The following BTBD9 variants were observed in gnomAD, a reference collection of about 807,000 sequenced individuals.
The protein encoded by BTBD9 is BTB domain containing 9, also known as BTB/POZ domain-containing protein 9.
A neutral mutation model predicts 64.3 loss-of-function variants in BTBD9; 49 were observed. The ratio of observed to expected loss-of-function variants is 0.76; its 90% CI spans 0.61 to 0.97. The LOEUF is 0.97. BTBD9 is among the 50% of genes least tolerant of loss of function. The pLI, the probability that BTBD9 is intolerant of heterozygous loss-of-function variation, is 0.00. For missense variants in BTBD9, 598 were observed against 762.1 expected, an observed-to-expected ratio of 0.78 and a Z score of 2.53; for synonymous variants, 260 against 274.7, an observed-to-expected ratio of 0.95 and a Z score of 0.53.
At chr6:38,202,077 TTTTTTTTG>T (rs1762481126) in intron 9 of BTBD9, among the ~76,000 whole-genome samples, 1 of 137,726 alleles carries the variant, frequency 7.3e-6, no homozygotes, top group African/African-American at 2.8e-5. Flanking sequence ...AAAAATGTCG[TTTTTTTTG>T]TTTTTTTTTT....
intron 6 of BTBD9, among the ~76,000 whole-genome samples, chr6:38,419,038 C>T (rs958837416): frequency 4.6e-5 from 7 of 152,134 alleles, no homozygotes; most frequent in Non-Finnish European, 4.4e-5. Context: ...GATCACTAAA[C>T]CCATTCTTAC....
intron 6 of BTBD9, among the ~76,000 whole-genome samples, chr6:38,533,874 G>C (rs1384375038): frequency 2.6e-5 from 4 of 151,978 alleles, no homozygotes. Context: ...AAACCTATGG[G>C]ATTCAATGAA....
At chr6:38,483,459 T>C (rs1456361327) in intron 6 of BTBD9, among the ~76,000 whole-genome samples, 1 of 152,058 alleles carries the variant, frequency 6.6e-6, no homozygotes. Context: ...TGGTCTTCCC[T>C]ATAGTCCATT....
intron 6 of BTBD9, among the ~76,000 whole-genome samples, chr6:38,442,828 C>T (rs1179343424): frequency 6.6e-6 from 1 of 151,890 alleles, no homozygotes; most frequent in Non-Finnish European, 1.5e-5. Context: ...TGCCACCATA[C>T]CCAGCTAAAT....
At chr6:38,571,568 T>A (rs1246840447) in intron 6 of BTBD9, 2 of 152,200 alleles carry the variant, frequency 1.3e-5, no homozygotes, top group African/African-American at 4.8e-5. Flanking sequence ...ACAGTAAAGT[T>A]AGAGTATTCC....
At chr6:38,408,152 T>C (rs1206027178) in intron 6 of BTBD9, among the ~76,000 whole-genome samples, 1 of 151,698 alleles carries the variant, frequency 6.6e-6, no homozygotes, top group Non-Finnish European at 1.5e-5. Flanking sequence ...AGGCCAGGAG[T>C]TCGAGACCAG....
At chr6:38,318,095 A>G (rs980832287) in intron 7 of BTBD9, among the ~76,000 whole-genome samples, 3 of 151,990 alleles carry the variant, frequency 2.0e-5, no homozygotes, top group Non-Finnish European at 2.9e-5. Context: ...AGGTTTCACC[A>G]TGTTGGCCAG....
At chr6:38,391,691 T>C (rs969234947) in intron 6 of BTBD9, among the ~76,000 whole-genome samples, 11 of 152,004 alleles carry the variant, frequency 7.2e-5, no homozygotes, top group Non-Finnish European at 1.0e-4. Context: ...TGAATTTAAT[T>C]GCCTTGGCAA....
chr6:38,576,006 A>G (rs1373853217), intron 6 of BTBD9, among the ~76,000 whole-genome samples: 1 of 152,216 alleles, frequency 6.6e-6, no homozygotes, highest in Non-Finnish European at 1.5e-5. Context: ...CATACATACA[A>G]CAGGAGCTTT....
At chr6:38,405,636 G>A (rs916222396) in intron 6 of BTBD9, among the ~76,000 whole-genome samples, 4 of 151,460 alleles carry the variant, frequency 2.6e-5, no homozygotes, top group Admixed American at 2.6e-4. Context: ...CCCAGCTAGT[G>A]TTACATTCTC....
chr6:38,621,924 C>T (rs769555499), intron 1 of BTBD9, among the ~76,000 whole-genome samples: 22 of 152,196 alleles, frequency 1.4e-4, no homozygotes, highest in Non-Finnish European at 2.8e-4. Flanking sequence ...AGAGATTAAG[C>T]CCCAGTATTC....
intron 1 of BTBD9, among the ~76,000 whole-genome samples, chr6:38,625,756 A>C (rs890895271): frequency 1.3e-5 from 2 of 152,222 alleles, no homozygotes; most frequent in Admixed American, 1.3e-4. Flanking sequence ...CAAAGGCAGA[A>C]CCTGAGATAG....
intron 1 of BTBD9, among the ~76,000 whole-genome samples, chr6:38,634,659 GTAGT>G (rs569541743): frequency 1.5e-3 from 233 of 152,106 alleles, no homozygotes; most frequent in African/African-American, 5.3e-3. Flanking sequence ...GAAATTTTCT[GTAGT>G]TATTTTGTGT....
intron 6 of BTBD9, among the ~76,000 whole-genome samples, chr6:38,407,940 C>G (rs778077090): frequency 6.6e-6 from 1 of 152,158 alleles, no homozygotes; most frequent in Non-Finnish European, 1.5e-5. Flanking sequence ...CAAAGGAAAG[C>G]TGTTTTTGCT....
At chr6:38,303,841 A>AT (rs1762501901) in intron 7 of BTBD9, among the ~76,000 whole-genome samples, 1 of 12,184 alleles carries the variant, frequency 8.2e-5, no homozygotes, top group African/African-American at 2.6e-4. Context: ...TAGTTGCTAG[A>AT]TATATATATA....
chr6:38,339,388 C>T (rs1764017495), intron 7 of BTBD9, among the ~76,000 whole-genome samples: 1 of 152,096 alleles, frequency 6.6e-6, no homozygotes, highest in South Asian at 2.1e-4. Flanking sequence ...TATGTGCCTA[C>T]AGTCCTGTTT....
chr6:38,594,506 T>G, intron 2 of BTBD9, 179 bp from the exon 3 acceptor site: 1 of 693,036 alleles, frequency 1.4e-6, no homozygotes, highest in Non-Finnish European at 2.2e-6. Context: ...AGAGGAATGA[T>G]TTTAAAACTA....
intron 1 of BTBD9, among the ~76,000 whole-genome samples, chr6:38,611,786 G>A (rs752734546): frequency 5.9e-5 from 9 of 152,044 alleles, no homozygotes; most frequent in Non-Finnish European, 1.2e-4. Context: ...TGTATTCAGT[G>A]GGTATTTAGT....
intron 1 of BTBD9, among the ~76,000 whole-genome samples, chr6:38,624,005 G>A (rs1007417545): frequency 5.9e-5 from 9 of 152,158 alleles, no homozygotes; most frequent in Admixed American, 5.9e-4. Context: ...GTTCCCAACG[G>A]CAGTTTGGGT....
Sources: allele counts gnomAD v4.1 joint callset (sites outside exome capture counted in the v4.1 genomes callset), GRCh38; gene constraint gnomAD v4.1.1; transcripts MANE v1.5; gene names NCBI Gene and HGNC (gene_info 2026-07-23, HGNC 2026-07-21).